TRIM66: variants seen among roughly 807,000 people sequenced by gnomAD.
TRIM66 encodes tripartite motif containing 66.
In TRIM66, 99 loss-of-function variants were observed where a neutral mutation model predicts 148.2. That is an observed-to-expected ratio of 0.67 (90% confidence interval 0.57 to 0.79). TRIM66 has a LOEUF of 0.79. Ranked by LOEUF, TRIM66 falls within the 30% of genes least tolerant of loss-of-function variation. The pLI is 0.00. For synonymous variants in TRIM66, 616 were observed against 635.9 expected (o/e 0.97, Z 0.47); for missense variants, 1,666 against 1,697.9 (o/e 0.98, Z 0.33).
At position 8,645,801 on chromosome 11, in the gene TRIM66, A is replaced by T; in HGVS notation, c.1044T>A (p.Asn348Lys). 6.4e-7 allele frequency: 1 copy of T among 1,551,770 alleles called. No individual in the cohort carries two copies. ...TGCTGCAGACAGCCCAGTTGATGAA[A>T]TTCTGCACATGCTCAAACTGACGGT... ...VLNRQFEHVQ[N>K]FINWAVCSKT... Residue 348 changes from asparagine (N) to lysine (K), a missense_variant, in exon 12 of 25, where the codon AAT becomes AAA. Asn to Lys is a moderately conservative substitution (Grantham distance 94). Coordinates refer to ENST00000646038, the MANE Select transcript of TRIM66 (RefSeq NM_001388022.1).
chr11:8,630,726 T>C (rs1455520702), intron 15 of TRIM66, among the ~76,000 whole-genome samples: 1 of 152,196 alleles, frequency 6.6e-6, no homozygotes, highest in Non-Finnish European at 1.5e-5. Flanking sequence ...TGCCTCTTTT[T>C]TGTCTCCTTA....
Position 8,621,324 on chromosome 11 carries a change from T to C in TRIM66, c.3256-3A>G. ...TCAGACAGTCTGTCCTGGCTGACCT[T>C]GGGGAAGAAGTAAGTCTGGGCAGCC... On this transcript the variant is annotated splice_polypyrimidine_tract_variant and splice_region_variant and intron_variant, in intron 19 of 24. Transcript: ENST00000646038. The C allele has an allele frequency of 6.5e-7, 1 of 1,548,282 alleles. No individual in the cohort carries two copies. Among genetic ancestry groups the C allele is most frequent in the East Asian group, 2.4e-5 (1 of 40,818 alleles).
chr11:8,669,325 C>T (rs557847619), intron 6 of TRIM66, among the ~76,000 whole-genome samples: 23 of 152,288 alleles, frequency 1.5e-4, no homozygotes, highest in African/African-American at 4.8e-4. Context: ...ACCTTGCATC[C>T]TCATTGTCCA....
At chr11:8,682,719 C>T (rs2039503595), upstream of TRIM66, 1 of 1,508,422 alleles carries the variant, frequency 6.6e-7, no homozygotes, top group Non-Finnish European at 9.2e-7. Context: ...GAAGCCCGGC[C>T]TCTGTGACCG....
intron 15 of TRIM66, among the ~76,000 whole-genome samples, chr11:8,635,433 C>A (rs1001635520): frequency 1.3e-5 from 2 of 152,110 alleles, no homozygotes; most frequent in African/African-American, 4.8e-5. Flanking sequence ...AGCTTCACAC[C>A]CTCCACCCTG....
Position 8,613,253 on chromosome 11 carries a change from G to A in TRIM66, c.*4691C>T, listed in dbSNP as rs1225851156. On this transcript the variant is annotated 3_prime_UTR_variant, in exon 25 of 25. Coordinates refer to ENST00000646038, the MANE Select transcript of TRIM66 (RefSeq NM_001388022.1). The stretch of plus-strand genomic sequence containing the variant: ...CAGCTCAGCCTGTGTGGGCTGAGAG[G>A]TAAGAGGAGAGAATCCAGAGACTTG... 6.6e-6 allele frequency: 1 copy of A among 152,174 alleles called. No homozygotes were observed. Among genetic ancestry groups the A allele is most frequent in the Non-Finnish European group, 1.5e-5 (1 of 68,036 alleles). 9.4% of individuals were successfully genotyped at this position (152,174 alleles called of 1,614,324 possible).
intron 11 of TRIM66, 82 bp from the exon 12 acceptor site, chr11:8,645,969 G>A (rs890626599): frequency 3.6e-6 from 5 of 1,380,908 alleles, no homozygotes; most frequent in African/African-American, 2.9e-5. Context: ...TGGCTTGTGT[G>A]TGTCACTGAT....
intron 3 of TRIM66, among the ~76,000 whole-genome samples, chr11:8,677,103 A>C (rs1223468610): frequency 6.6e-6 from 1 of 152,228 alleles, no homozygotes; most frequent in African/African-American, 2.4e-5. Context: ...ATTCCACATC[A>C]CATTGGGAAT....
At chr11:8,677,252 T>C (rs2039218619) in intron 3 of TRIM66, among the ~76,000 whole-genome samples, 1 of 152,216 alleles carries the variant, frequency 6.6e-6, no homozygotes, top group Non-Finnish European at 1.5e-5. Flanking sequence ...TTATATGTGA[T>C]ATATTATTTG....
At chr11:8,622,552 G>A (rs1592013456) in intron 18 of TRIM66, among the ~76,000 whole-genome samples, 1 of 151,224 alleles carries the variant, frequency 6.6e-6, no homozygotes, top group Non-Finnish European at 1.5e-5. Flanking sequence ...CCACTGGGAA[G>A]CCCTATGGTG....
intron 18 of TRIM66, among the ~76,000 whole-genome samples, chr11:8,622,296 T>C (rs2034307150): frequency 7.0e-6 from 1 of 142,928 alleles, no homozygotes; most frequent in East Asian, 2.0e-4. Flanking sequence ...TATATGTATA[T>C]ATATATGTGT....
chr11:8,622,326 TACACACACACACAACACACAC>T (rs1373180765), intron 18 of TRIM66, among the ~76,000 whole-genome samples: 1 of 85,600 alleles, frequency 1.2e-5, no homozygotes, highest in African/African-American at 4.2e-5. Flanking sequence ...TATATGGAAG[TACACACACACACAACACACAC>T]ACACACACAC....
In TRIM66 at chr11:8,640,537, G is replaced by T; in HGVS notation, c.1838C>A (p.Pro613Gln). ...CTGTGGGGGAGGGGGAAGGGGAGGT[G>T]GGGGATGGGGGAGGGGTGGTGGTGG... ...PPPPPPLPHP[P>Q]PPLPPPPQQP... Residue 613 changes from proline to glutamine, a missense_variant, in exon 14 of 25, where the codon CCA (proline) becomes CAA (glutamine). Physicochemically the swap from Pro to Gln is moderately conservative, Grantham distance 76. This residue lies in a region of TRIM66 where 1,431 missense variants were observed against 1,412.4 expected (regional missense o/e 1.01). Coordinates refer to ENST00000646038, the MANE Select transcript of TRIM66 (RefSeq NM_001388022.1). 6.8e-7 allele frequency: 1 copy of T among 1,473,952 alleles called. No individual in the cohort carries two copies. 91.3% of individuals were successfully genotyped at this position (1,473,952 alleles called of 1,614,324 possible).
chr11:8,618,747 T>C lies in TRIM66; in HGVS notation c.4119+3A>G, dbSNP rs544726055. ...CTGCTGCTGGCTGGCAGTAACTCTT[T>C]ACCATATGTCGTCGCCGCCTCTTGG... On this transcript the variant is annotated splice_donor_region_variant and intron_variant, in intron 24 of 24. Transcript: ENST00000646038. 24 of 1,549,074 alleles carry C rather than the reference T, an allele frequency of 1.5e-5. No homozygotes were observed. Among genetic ancestry groups the C allele is most frequent in the Admixed American group, 2.0e-5 (1 of 50,936 alleles).
chr11:8,622,120 T>C (rs1482403506), intron 18 of TRIM66, among the ~76,000 whole-genome samples: 1 of 151,616 alleles, frequency 6.6e-6, no homozygotes, highest in Non-Finnish European at 1.5e-5. Context: ...CCTAGCCTCC[T>C]GGCTATATCT....
chr11:8,658,592 G>A (rs1196762704), intron 6 of TRIM66: 3 of 201,374 alleles, frequency 1.5e-5, no homozygotes, highest in Non-Finnish European at 2.7e-5. Flanking sequence ...TAGGAAGAAT[G>A]ATGCAATCTG....
chr11:8,682,965 C>T, upstream of TRIM66: 1 of 1,099,766 alleles, frequency 9.1e-7, no homozygotes, highest in Non-Finnish European at 1.3e-6. Context: ...GGCGCGGGCC[C>T]GGGGCGGGGC....
intron 1 of TRIM66, among the ~76,000 whole-genome samples, chr11:8,681,932 A>G (rs2039451341): frequency 6.6e-6 from 1 of 152,092 alleles, no homozygotes; most frequent in Non-Finnish European, 1.5e-5. Context: ...TTACTTATTT[A>G]CTTTTGTATG....
chr11:8,656,180 T>C (rs2037814171), intron 6 of TRIM66, among the ~76,000 whole-genome samples: 1 of 152,254 alleles, frequency 6.6e-6, no homozygotes, highest in Admixed American at 6.5e-5. Context: ...TTAATGAGGA[T>C]ATCAAAACAA....
Sources: allele counts gnomAD v4.1 joint callset (sites outside exome capture counted in the v4.1 genomes callset), GRCh38; gene constraint gnomAD v4.1.1; regional missense constraint gnomAD v4.1.1; transcripts MANE v1.5; gene names NCBI Gene and HGNC (gene_info 2026-07-23, HGNC 2026-07-21).